Variants in LRRC59 observed in about 807,000 individuals in gnomAD.
LRRC59 encodes the protein leucine rich repeat containing 59, also known as leucine-rich repeat-containing protein 59.
In LRRC59, 18 loss-of-function variants were observed where a neutral mutation model predicts 33.5. The ratio of observed to expected loss-of-function variants is 0.54; its 90% confidence interval spans 0.37 to 0.80. The LOEUF is 0.80. Among genes scored for constraint, LRRC59 ranks in the 30% least tolerant of loss-of-function variants. LRRC59 has a pLI of 0.00. For missense variants in LRRC59, 330 were observed against 391.9 expected (o/e 0.84, Z 1.33); for synonymous variants, 138 against 160.0 (o/e 0.86, Z 1.04).
intron 2 of LRRC59, among the ~76,000 whole-genome samples, chr17:50,393,676 A>G (rs554264898): frequency 6.6e-6 from 1 of 152,248 alleles, no homozygotes; most frequent in Non-Finnish European, 1.5e-5. Context: ...ACCTCAGCTA[A>G]TGAGGCACTA....
In LRRC59 at chr17:50,381,993, G is replaced by A. The variant is rs1339401746; in HGVS notation, c.*995C>T. 6.6e-6 allele frequency: 1 copy of A among 152,646 alleles called. No homozygotes were observed. Among genetic ancestry groups the A allele is most frequent in the African/African-American group, 2.4e-5 (1 of 41,438 alleles). 9.5% of individuals were successfully genotyped at this position (152,646 alleles called of 1,614,324 possible). A position where few individuals can be genotyped will look rare whatever the true frequency, so the allele number is the denominator to read the frequency against. ...ACCTGCAGAAGCAGGTTGCCTTTGA[G>A]GTATTTAGTCACACCAAGTACAACT... On this transcript the variant is annotated 3_prime_UTR_variant, in exon 7 of 7. Transcript: ENST00000225972.
At chr17:50,392,020 G>A (rs779850229) in intron 4 of LRRC59, among the ~76,000 whole-genome samples, 2 of 152,154 alleles carry the variant, frequency 1.3e-5, no homozygotes, top group East Asian at 1.9e-4. Context: ...CCAACGTGGC[G>A]AAACACCATC....
In LRRC59 at chr17:50,383,054, A is replaced by G. The variant is rs1913906923; in HGVS notation, c.858T>C (p.Asn286=). 5.0e-6 allele frequency: 8 copies of G among 1,612,668 alleles called. No homozygotes were observed. The highest frequency in any genetic ancestry group is 1.3e-5 in the African/African-American group (1 of 74,970). Residue 286 remains asparagine (N), a synonymous_variant, in exon 7 of 7, where the codon AAT becomes AAC. Coordinates refer to ENST00000225972, the MANE Select transcript of LRRC59 (RefSeq NM_018509.4). ...LCTSVNTIYD[N]AVQGLRRHEI... ...CATGGCGGCGTAGACCCTGGACCGC[A>G]TTGTCATAGATGGTGTTCACGCTGG... is the stretch of plus-strand genomic sequence containing the variant.
intron 2 of LRRC59, among the ~76,000 whole-genome samples, chr17:50,394,614 T>A (rs1194969376): frequency 6.6e-6 from 1 of 152,160 alleles, no homozygotes; most frequent in Non-Finnish European, 1.5e-5. Flanking sequence ...AAACTATTTT[T>A]CAGAGGAATA....
chr17:50,392,382 G>C lies in LRRC59; in HGVS notation c.429+16C>G. ...GGAGTGTATAAGGAGCCACTGGGAG[G>C]GAGCTTGGTGCTTACCTTGTTTGCA... is the stretch of plus-strand genomic sequence containing the variant. On this transcript the variant is annotated intron_variant, in intron 4 of 6. Transcript: ENST00000225972. 4.4e-6 allele frequency: 7 copies of C among 1,608,586 alleles called. No homozygotes were observed. Among genetic ancestry groups the C allele is most frequent in the Non-Finnish European group, 6.0e-6 (7 of 1,175,334 alleles).
Position 50,383,044 on chromosome 17 carries a change from C to G in LRRC59, c.868G>C (p.Gly290Arg). 1 of 1,612,866 alleles carries G rather than the reference C, an allele frequency of 6.2e-7. No individual in the cohort carries two copies. Among genetic ancestry groups the G allele is most frequent in the Non-Finnish European group, 8.5e-7 (1 of 1,180,024 alleles). ...TGGAGGATCTCATGGCGGCGTAGAC[C>G]CTGGACCGCATTGTCATAGATGGTG... is the stretch of plus-strand genomic sequence containing the variant. The part of the protein sequence containing the change: ...VNTIYDNAVQ[G>R]LRRHEILQWV... Residue 290 changes from glycine (G) to arginine (R), a missense_variant, in exon 7 of 7, where the codon GGT becomes CGT. By Grantham distance (125) the Gly-to-Arg change is moderately radical. Transcript: ENST00000225972.
At chr17:50,395,043 T>C in intron 1 of LRRC59, 55 bp from the exon 2 acceptor site, 1 of 1,219,944 alleles carries the variant, frequency 8.2e-7, no homozygotes, top group South Asian at 1.2e-5. Context: ...AACAATTCAC[T>C]GACATATGTT....
chr17:50,392,747 G>C lies in LRRC59; in HGVS notation c.316C>G (p.Gln106Glu). The C allele has an allele frequency of 6.2e-7, 1 of 1,614,130 alleles. No individual in the cohort carries two copies. Among genetic ancestry groups the C allele is most frequent in the Non-Finnish European group, 8.5e-7 (1 of 1,180,016 alleles). The change falls in exon 3 of 7, where the codon CAG (glutamine) becomes GAG (glutamate). Residue 106 changes from glutamine (Q) to glutamate (E), a missense_variant. Physicochemically the swap from Gln to Glu is conservative, Grantham distance 29. Transcript: ENST00000225972. Reference protein sequence around the residue: ...KLVTLPVSFAQLKNLKWLDLK... With the variant: ...KLVTLPVSFAELKNLKWLDLK... ...GGTTCATGAATTGTTACCTTGAGCT[G>C]AGCAAAGCTGACAGGCAAGGTGACC...
Position 50,397,363 on chromosome 17 carries a change from G to A in LRRC59, c.-46C>T. 2.1e-6 allele frequency: 3 copies of A among 1,453,696 alleles called. No homozygotes were observed. Among genetic ancestry groups the A allele is most frequent in the Middle Eastern group, 2.1e-4 (1 of 4,854 alleles). The allele number at this position is 1,453,696 out of a possible 1,614,324, so 90.0% of individuals were successfully genotyped here. On this transcript the variant is annotated 5_prime_UTR_variant, in exon 1 of 7. Transcript: ENST00000225972. Reference sequence around the variant, plus strand: ...CCCCGGCTCCGGGGTTCCGGCGGGTGAAAGGAGCTGAAATGTCGCTTGTCA... The same window carrying A: ...CCCCGGCTCCGGGGTTCCGGCGGGTAAAAGGAGCTGAAATGTCGCTTGTCA...
At chr17:50,397,156 C>A in intron 1 of LRRC59, 57 bp downstream of exon 1, 1 of 1,308,274 alleles carries the variant, frequency 7.6e-7, no homozygotes, top group Non-Finnish European at 1.0e-6. Context: ...AAGTGGCCCA[C>A]GTAGGGGCCA....
intron 1 of LRRC59, among the ~76,000 whole-genome samples, chr17:50,395,375 AG>A: frequency 6.6e-6 from 1 of 151,728 alleles, no homozygotes; most frequent in Admixed American, 6.6e-5. Flanking sequence ...AAAAAAAGAA[AG>A]GAAGGCAGGC....
chr17:50,385,861 A>T (rs1913988325), intron 5 of LRRC59, among the ~76,000 whole-genome samples: 2 of 152,110 alleles, frequency 1.3e-5, no homozygotes, highest in Admixed American at 1.3e-4. Context: ...GGAGTTCAAG[A>T]CCAGCCTGGG....
chr17:50,383,304 T>TAGTCTCCTCCGTGCA, intron 6 of LRRC59, 69 bp from the exon 7 acceptor site: 1 of 1,497,424 alleles, frequency 6.7e-7, no homozygotes, highest in Middle Eastern at 1.9e-4. Context: ...TAATCTCTGC[T>TAGTCTCCTCCGTGCA]AGTCTCCTCC....
intron 2 of LRRC59, 149 bp downstream of exon 2, chr17:50,394,780 C>A (rs1375774448): frequency 1.8e-6 from 1 of 569,800 alleles, no homozygotes; most frequent in African/African-American, 1.9e-5. Flanking sequence ...TGTGCCTCCC[C>A]TACACACTCA....
Position 50,382,814 on chromosome 17 carries a change from A to C in LRRC59, c.*174T>G. 5.1e-6 allele frequency: 4 copies of C among 779,948 alleles called. No individual in the cohort carries two copies. Among genetic ancestry groups the C allele is most frequent in the South Asian group, 2.0e-5 (1 of 49,552 alleles). 48.3% of individuals were successfully genotyped at this position (779,948 alleles called of 1,614,324 possible). On this transcript the variant is annotated 3_prime_UTR_variant, in exon 7 of 7. Coordinates refer to ENST00000225972, the MANE Select transcript of LRRC59 (RefSeq NM_018509.4). ...CCCATTTCTCCTCATTCCTTCAGGGAACCCTGACTAAGGAATGAAGAAGTC... is the reference window on the plus strand; with the variant it reads ...CCCATTTCTCCTCATTCCTTCAGGGCACCCTGACTAAGGAATGAAGAAGTC...
At chr17:50,393,171 C>A (rs558875045) in intron 2 of LRRC59, among the ~76,000 whole-genome samples, 7 of 152,250 alleles carry the variant, frequency 4.6e-5, no homozygotes, top group African/African-American at 1.7e-4. Context: ...TCAGAGGTAC[C>A]CCATGTAAAA....
At position 50,382,976 on chromosome 17, in the gene LRRC59, C is replaced by T. The variant is rs762113935; in HGVS notation, c.*12G>A. 1 of 1,608,486 alleles carries T rather than the reference C, an allele frequency of 6.2e-7. No individual in the cohort carries two copies. The highest frequency in any genetic ancestry group is 8.5e-7 in the Non-Finnish European group (1 of 1,176,774). On this transcript the variant is annotated 3_prime_UTR_variant, in exon 7 of 7. Coordinates refer to ENST00000225972, the MANE Select transcript of LRRC59 (RefSeq NM_018509.4). ...CTCCAAGGCTGGGAGGCAGCAGGTG[C>T]TGGGGACAAGCTCACTGCTGAGAGT...
At position 50,388,692 on chromosome 17, in the gene LRRC59, C is replaced by T. The variant is rs190978278; in HGVS notation, c.430-560G>A. Among the ~76,000 whole-genome samples the T allele has an allele frequency of 5.3e-5, 8 of 152,292 alleles. No homozygotes were observed. The East Asian group carries it at 9.6e-4, about 18-fold the overall frequency. The stretch of plus-strand genomic sequence containing the variant: ...AAAAAAGTGAAACACAATGCCAACT[C>T]GAATCTGTAAAAAGTTCTGCCATTT... On this transcript the variant is annotated intron_variant, in intron 4 of 6. Coordinates refer to ENST00000225972, the MANE Select transcript of LRRC59 (RefSeq NM_018509.4).
At chr17:50,384,813 T>G (rs184352034) in intron 6 of LRRC59, among the ~76,000 whole-genome samples, 10 of 150,290 alleles carry the variant, frequency 6.7e-5, no homozygotes, top group Non-Finnish European at 1.0e-4. Context: ...TTTTTGCATA[T>G]CTCAATGATT....
Sources: gnomAD v4.1 joint callset for allele counts (sites outside exome capture counted in the v4.1 genomes callset) on GRCh38, gnomAD v4.1.1 for gene constraint, MANE v1.5 for transcripts, NCBI Gene and HGNC (gene_info 2026-07-23, HGNC 2026-07-21) for gene names.